The following KIAA1217 variants were observed in gnomAD, a reference collection of about 807,000 sequenced individuals.
The protein encoded by KIAA1217 is sickle tail protein homolog.
A neutral mutation model predicts 163.9 loss-of-function variants in KIAA1217; 88 were observed. That is an observed-to-expected ratio of 0.54 (90% CI 0.45 to 0.64). The LOEUF (loss-of-function observed/expected upper bound fraction) is 0.64. Among genes scored for constraint, KIAA1217 ranks in the 30% least tolerant of loss-of-function variants. The pLI is 0.00. For synonymous variants in KIAA1217, 903 were observed against 923.1 expected, an observed-to-expected ratio of 0.98 and a Z score of 0.39; for missense variants, 2,372 against 2,475.0, an observed-to-expected ratio of 0.96 and a Z score of 0.88.
intron 9 of KIAA1217, among the ~76,000 whole-genome samples, chr10:24,508,110 T>C (rs115326062): frequency 0.016 from 2,496 of 152,170 alleles, 73 homozygotes; most frequent in African/African-American, 0.057. Context: ...CACGAAAATA[T>C]ATGTAACAAA....
chr10:24,320,765 C>T (rs1007735779), intron 2 of KIAA1217, among the ~76,000 whole-genome samples: 3 of 152,140 alleles, frequency 2.0e-5, no homozygotes, highest in African/African-American at 4.8e-5. Context: ...ACAGAGAGGC[C>T]GGGCTCAGTG....
intron 2 of KIAA1217, among the ~76,000 whole-genome samples, chr10:24,014,748 C>T (rs1386258796): frequency 6.6e-6 from 1 of 151,982 alleles, no homozygotes; most frequent in African/African-American, 2.4e-5. Context: ...TGAAATATGG[C>T]CAAGTTATAT....
At chr10:24,078,585 T>C (rs997115097) in intron 2 of KIAA1217, among the ~76,000 whole-genome samples, 3 of 152,216 alleles carry the variant, frequency 2.0e-5, no homozygotes, top group Non-Finnish European at 2.9e-5. Flanking sequence ...AGCAGCTGTG[T>C]GACCATTCAT....
At chr10:24,368,425 A>G (rs1197011670) in intron 2 of KIAA1217, among the ~76,000 whole-genome samples, 1 of 152,020 alleles carries the variant, frequency 6.6e-6, no homozygotes, top group Admixed American at 6.6e-5. Context: ...TGCTTGAAAC[A>G]AATAAATCTT....
chr10:24,115,424 C>T (rs554882914), intron 2 of KIAA1217, among the ~76,000 whole-genome samples: 21 of 152,302 alleles, frequency 1.4e-4, no homozygotes, highest in Non-Finnish European at 2.6e-4. Context: ...AGTCATCAAA[C>T]CATACAGGTC....
At chr10:24,117,490 G>T (rs1156250774) in intron 2 of KIAA1217, among the ~76,000 whole-genome samples, 1 of 152,034 alleles carries the variant, frequency 6.6e-6, no homozygotes, top group Non-Finnish European at 1.5e-5. Context: ...AATTAGCTGG[G>T]TGTGGTGAGT....
At chr10:23,745,492 T>C (rs1447869789) in intron 1 of KIAA1217, among the ~76,000 whole-genome samples, 1 of 152,204 alleles carries the variant, frequency 6.6e-6, no homozygotes, top group East Asian at 1.9e-4. Flanking sequence ...CTGATTATCA[T>C]GGAGAAATTG....
chr10:23,697,040 T>G (rs1263471123), intron 1 of KIAA1217, among the ~76,000 whole-genome samples: 1 of 152,136 alleles, frequency 6.6e-6, no homozygotes, highest in Non-Finnish European at 1.5e-5. Context: ...CTTAAACAAG[T>G]GTTTGTTTTC....
chr10:23,760,320 G>A (rs1479023664), intron 1 of KIAA1217, among the ~76,000 whole-genome samples: 1 of 152,230 alleles, frequency 6.6e-6, no homozygotes, highest in African/African-American at 2.4e-5. Flanking sequence ...GCAGCAGATA[G>A]AAGTTCCTAT....
intron 2 of KIAA1217, among the ~76,000 whole-genome samples, chr10:24,315,489 T>C (rs1426954921): frequency 6.6e-6 from 1 of 152,172 alleles, no homozygotes; most frequent in African/African-American, 2.4e-5. Context: ...GAGGACTCAG[T>C]CCTGTGTCCA....
At chr10:24,429,490 C>G (rs1051530823) in intron 3 of KIAA1217, among the ~76,000 whole-genome samples, 4 of 152,164 alleles carry the variant, frequency 2.6e-5, no homozygotes, top group African/African-American at 7.2e-5. Flanking sequence ...GCTCTTCTCT[C>G]TTTTCCCATC....
chr10:24,206,652 G>A (rs2067569850), upstream of KIAA1217, among the ~76,000 whole-genome samples: 1 of 152,224 alleles, frequency 6.6e-6, no homozygotes, highest in South Asian at 2.1e-4. Context: ...TGGTCAGAAA[G>A]TTTGATCATT....
Position 24,209,260 on chromosome 10 carries a change from CAGG to C in KIAA1217, c.68_70del (p.Glu24del). The C allele has an allele frequency of 2.5e-6, 4 of 1,612,040 alleles. No individual in the cohort carries two copies. Among genetic ancestry groups the C allele is most frequent in the Non-Finnish European group, 3.4e-6 (4 of 1,178,676 alleles). ...TTACTCAGCAGACAGAAGACAGATG[CAGG>C]GTAAGTAACAGACCCATTCAAAGAT... is the stretch of plus-strand genomic sequence containing the variant. On this transcript the variant is annotated inframe_deletion and splice_region_variant, in exon 1 of 21. Transcript: ENST00000376454.
intron 1 of KIAA1217, among the ~76,000 whole-genome samples, chr10:24,218,865 T>C (rs1170147537): frequency 3.9e-5 from 6 of 152,140 alleles, no homozygotes; most frequent in Admixed American, 2.0e-4. Flanking sequence ...TTTCAAATGG[T>C]TCACATGTGT....
intron 2 of KIAA1217, among the ~76,000 whole-genome samples, chr10:24,193,252 G>C (rs1026501287): frequency 6.6e-6 from 1 of 152,128 alleles, no homozygotes; most frequent in Admixed American, 6.5e-5. Flanking sequence ...TGGCTAAAAA[G>C]CTCTAGCTTC....
chr10:23,947,473 G>T (rs1844109804), intron 1 of KIAA1217, among the ~76,000 whole-genome samples: 1 of 152,070 alleles, frequency 6.6e-6, no homozygotes. Flanking sequence ...CTTTTAGCCG[G>T]TCCTATACAT....
intron 1 of KIAA1217, among the ~76,000 whole-genome samples, chr10:23,800,643 G>A (rs1333257585): frequency 6.6e-6 from 1 of 152,090 alleles, no homozygotes; most frequent in Non-Finnish European, 1.5e-5. Flanking sequence ...GACACCATGT[G>A]GTTGGGTTCT....
chr10:24,114,352 TAAAAG>T (rs921147952), intron 2 of KIAA1217, among the ~76,000 whole-genome samples: 1 of 151,642 alleles, frequency 6.6e-6, no homozygotes, highest in African/African-American at 2.4e-5. Context: ...ATAATAATAA[TAAAAG>T]AAACAATTCC....
chr10:24,034,125 T>C (rs1405573538), intron 2 of KIAA1217, among the ~76,000 whole-genome samples: 3 of 152,214 alleles, frequency 2.0e-5, no homozygotes, highest in African/African-American at 7.2e-5. Flanking sequence ...TTATCCCACT[T>C]GATTGTTGGA....
Sources: gnomAD v4.1 joint callset for allele counts (sites outside exome capture counted in the v4.1 genomes callset) on GRCh38, gnomAD v4.1.1 for gene constraint, MANE v1.5 for transcripts, NCBI Gene and HGNC (gene_info 2026-07-23, HGNC 2026-07-21) for gene names.